Variants in RBPJ observed in about 807,000 individuals in gnomAD.
RBPJ encodes the protein recombination signal binding protein for immunoglobulin kappa J region.
Under a neutral mutation model 67.8 loss-of-function variants are expected in RBPJ, and 9 were observed. That is an observed-to-expected ratio of 0.13 (90% CI 0.08 to 0.23). The LOEUF (loss-of-function observed/expected upper bound fraction) is 0.23. Ranked by LOEUF, RBPJ falls within the 10% of genes least tolerant of loss-of-function variation. RBPJ has a pLI of 1.00. For synonymous variants in RBPJ, 198 were observed against 203.3 expected, an observed-to-expected ratio of 0.97 and a Z score of 0.22; for missense variants, 305 against 595.6, an observed-to-expected ratio of 0.51 and a Z score of 5.08.
In RBPJ at chr4:26,431,205, A is replaced by G. The variant is rs1414438706; in HGVS notation, c.*198A>G. ...ACAGTAAAAAAAAAAAAAAAAAAAAAAAAAAAGAAAAAAAAATCAAAATGT... is the reference window on the plus strand; with the variant it reads ...ACAGTAAAAAAAAAAAAAAAAAAAAGAAAAAAGAAAAAAAAATCAAAATGT... On this transcript the variant is annotated 3_prime_UTR_variant, in exon 11 of 11. Transcript: ENST00000355476. The G allele has an allele frequency of 7.5e-5, 32 of 427,124 alleles. No individual in the cohort carries two copies. In the East Asian group the frequency reaches 7.7e-4, roughly 10 times the overall value. The allele number at this position is 427,124 out of a possible 1,614,324, so 26.5% of individuals were successfully genotyped here.
At chr4:26,416,169 G>C (rs1468523649) in intron 4 of RBPJ, among the ~76,000 whole-genome samples, 1 of 152,072 alleles carries the variant, frequency 6.6e-6, no homozygotes, top group Non-Finnish European at 1.5e-5. Context: ...TGCGTGGCAG[G>C]GGTTCTTCAA....
chr4:26,198,940 C>T (rs1334909731), intron 1 of RBPJ, among the ~76,000 whole-genome samples: 2 of 152,022 alleles, frequency 1.3e-5, no homozygotes, highest in African/African-American at 2.4e-5. Context: ...TAAAATTTAC[C>T]CTTTTAACCA....
upstream of RBPJ, among the ~76,000 whole-genome samples, chr4:26,316,827 C>CTTTTTTTTTTTTTTTTTTTTT (rs56130072): frequency 8.4e-5 from 6 of 71,396 alleles, 3 homozygotes; most frequent in Admixed American, 3.8e-4. Flanking sequence ...ACCCAGACGA[C>CTTTTTTTTTTTTTTTTTTTTT]TTTTTTTTTT....
chr4:26,134,724 G>A, the RBPJ span, among the ~76,000 whole-genome samples: 9 of 151,910 alleles, frequency 5.9e-5, no homozygotes, highest in African/African-American at 1.9e-4. Flanking sequence ...CTCCTTCAAC[G>A]AGCAGGTAAC....
chr4:26,131,194 G>A, the RBPJ span, among the ~76,000 whole-genome samples: 1 of 152,342 alleles, frequency 6.6e-6, no homozygotes, highest in East Asian at 1.9e-4. Flanking sequence ...GAGTGCCATT[G>A]TGATAAAAAC....
chr4:26,185,151 A>G (rs1362394594), intron 1 of RBPJ, among the ~76,000 whole-genome samples: 4 of 151,746 alleles, frequency 2.6e-5, no homozygotes, highest in South Asian at 2.1e-4. Flanking sequence ...AAAAAAAAAA[A>G]AAAAGAAAAG....
intron 1 of RBPJ, among the ~76,000 whole-genome samples, chr4:26,234,354 A>G (rs1719384506): frequency 6.6e-6 from 1 of 152,216 alleles, no homozygotes; most frequent in Non-Finnish European, 1.5e-5. Flanking sequence ...TTAGACCCAA[A>G]GGAAGCAGAA....
chr4:26,386,333 C>CT lies in RBPJ; in HGVS notation c.21-17dup. 1 of 1,526,752 alleles carries CT rather than the reference C, an allele frequency of 6.5e-7. No individual in the cohort carries two copies. Among genetic ancestry groups the CT allele is most frequent in the Non-Finnish European group, 8.8e-7 (1 of 1,131,758 alleles). 94.6% of individuals were successfully genotyped at this position (1,526,752 alleles called of 1,614,324 possible). A position where few individuals can be genotyped will look rare whatever the true frequency, so the allele number is the denominator to read the frequency against. On this transcript the variant is annotated intron_variant, in intron 1 of 10. Coordinates refer to ENST00000355476, the MANE Select transcript of RBPJ (RefSeq NM_015874.6). ...CATAAAGCTTACTTAACTTTATTTT[C>CT]TTTATTTTTTTTTTTCCAGGAAATT...
chr4:26,431,062 A>G lies in RBPJ; in HGVS notation c.*55A>G. The G allele has an allele frequency of 6.8e-7, 1 of 1,469,920 alleles. No individual in the cohort carries two copies. Among genetic ancestry groups the G allele is most frequent in the Non-Finnish European group, 9.4e-7 (1 of 1,067,632 alleles). 91.1% of individuals were successfully genotyped at this position (1,469,920 alleles called of 1,614,324 possible). A position where few individuals can be genotyped will look rare whatever the true frequency, so the allele number is the denominator to read the frequency against. ...ACTTGAGTGTGGCAAAAAGTTAACA[A>G]AAAAGGAGAAAAAATGAACAATCGT... On this transcript the variant is annotated 3_prime_UTR_variant, in exon 11 of 11. Coordinates refer to ENST00000355476, the MANE Select transcript of RBPJ (RefSeq NM_015874.6).
chr4:26,330,160 A>G (rs1724081876), intron 1 of RBPJ, among the ~76,000 whole-genome samples: 1 of 152,206 alleles, frequency 6.6e-6, no homozygotes, highest in Non-Finnish European at 1.5e-5. Context: ...TCTTTAATAA[A>G]TGCTGGATGC....
intron 1 of RBPJ, among the ~76,000 whole-genome samples, chr4:26,191,180 A>AAT (rs1245359104): frequency 4.7e-4 from 28 of 59,700 alleles, no homozygotes; most frequent in South Asian, 8.2e-4. Context: ...AAAAAAAAAA[A>AAT]ATATATATAT....
the RBPJ span, chr4:26,113,138 CAAGA>C: frequency 9.1e-6 from 2 of 218,928 alleles, no homozygotes; most frequent in East Asian, 2.2e-4. Flanking sequence ...GGAGCTTACA[CAAGA>C]AAGATTCCCC....
chr4:26,204,724 T>C (rs1481678544), intron 1 of RBPJ, among the ~76,000 whole-genome samples: 2 of 152,240 alleles, frequency 1.3e-5, no homozygotes, highest in Non-Finnish European at 2.9e-5. Flanking sequence ...TTTCTTAGCA[T>C]GAACATAGCA....
intron 1 of RBPJ, among the ~76,000 whole-genome samples, chr4:26,328,584 C>T (rs188214522): frequency 2.8e-4 from 43 of 152,232 alleles, no homozygotes; most frequent in African/African-American, 1.0e-3. Context: ...AATTGGGAGC[C>T]TCTTGGAAGA....
intron 1 of RBPJ, among the ~76,000 whole-genome samples, chr4:26,288,101 T>C (rs905705395): frequency 6.6e-6 from 1 of 152,206 alleles, no homozygotes; most frequent in African/African-American, 2.4e-5. Context: ...GATGGGTAGA[T>C]AACTACAGAC....
intron 1 of RBPJ, among the ~76,000 whole-genome samples, chr4:26,270,365 GAAA>G (rs1720843014): frequency 4.0e-5 from 1 of 24,780 alleles, no homozygotes; most frequent in African/African-American, 1.5e-4. Context: ...GAGAAAGAAA[GAAA>G]GAAAGAAAGA....
At chr4:26,246,972 G>A (rs1000795058) in intron 1 of RBPJ, among the ~76,000 whole-genome samples, 1 of 132,956 alleles carries the variant, frequency 7.5e-6, no homozygotes, top group African/African-American at 3.0e-5. Flanking sequence ...AACATAATAC[G>A]CTTTTTTTTT....
the RBPJ span, among the ~76,000 whole-genome samples, chr4:26,114,456 C>CA: frequency 2.0e-3 from 179 of 90,938 alleles, no homozygotes; most frequent in Middle Eastern, 0.024. Flanking sequence ...AGACTCCTCT[C>CA]AAAAAAAAAA....
At chr4:26,234,221 T>C (rs755573473) in intron 1 of RBPJ, among the ~76,000 whole-genome samples, 3 of 152,234 alleles carry the variant, frequency 2.0e-5, no homozygotes, top group Non-Finnish European at 2.9e-5. Context: ...GAACTACTAC[T>C]GTACTTTTTC....
Sources: allele counts gnomAD v4.1 joint callset (sites outside exome capture counted in the v4.1 genomes callset), GRCh38; gene constraint gnomAD v4.1.1; transcripts MANE v1.5; gene names NCBI Gene and HGNC (gene_info 2026-07-23, HGNC 2026-07-21).